The following ZCCHC17 variants were observed in gnomAD, a reference collection of about 807,000 sequenced individuals.
ZCCHC17 encodes the protein zinc finger CCHC-type containing 17, also known as zinc finger CCHC domain-containing protein 17.
In ZCCHC17, 18 loss-of-function variants were observed where a neutral mutation model predicts 30.6. The ratio of observed to expected loss-of-function variants is 0.59; its 90% CI spans 0.41 to 0.87. ZCCHC17 has a LOEUF of 0.87. Ranked by LOEUF, ZCCHC17 falls within the 40% of genes least tolerant of loss-of-function variation. ZCCHC17 has a pLI of 0.00. For synonymous variants in ZCCHC17, 88 were observed against 92.4 expected, an observed-to-expected ratio of 0.95 and a Z score of 0.27; for missense variants, 263 against 284.2, an observed-to-expected ratio of 0.93 and a Z score of 0.54.
At chr1:31,309,004 T>A (rs1182147453) in intron 1 of ZCCHC17, among the ~76,000 whole-genome samples, 1 of 152,218 alleles carries the variant, frequency 6.6e-6, no homozygotes, top group Non-Finnish European at 1.5e-5. Context: ...AGAATATAGA[T>A]CAAATTGAAT....
At chr1:31,363,811 A>G (rs1296613798) in intron 7 of ZCCHC17, among the ~76,000 whole-genome samples, 2 of 152,088 alleles carry the variant, frequency 1.3e-5, no homozygotes, top group African/African-American at 4.8e-5. Flanking sequence ...TCCCCTATTG[A>G]TTGTGTGCTA....
chr1:31,344,034 TA>T (rs1356936999), intron 5 of ZCCHC17, among the ~76,000 whole-genome samples: 32 of 151,976 alleles, frequency 2.1e-4, no homozygotes, highest in Non-Finnish European at 4.3e-4. Flanking sequence ...TTTGTTTTTT[TA>T]GTAGAGACGG....
In ZCCHC17 at chr1:31,344,474, G is replaced by A. The variant is rs1639167127; in HGVS notation, c.318-2166G>A. Among the ~76,000 whole-genome samples the A allele has an allele frequency of 1.3e-5, 2 of 152,124 alleles. 1 individual carries two copies. Among genetic ancestry groups the A allele is most frequent in the South Asian group, 4.1e-4 (2 of 4,832 alleles). ...CACTGGCGTTATCCACTTACTAGCT[G>A]TACTGAAAAAATGAGATTAATCTCA... On this transcript the variant is annotated intron_variant, in intron 5 of 7. Coordinates refer to ENST00000344147, the MANE Select transcript of ZCCHC17 (RefSeq NM_016505.4).
intron 1 of ZCCHC17, among the ~76,000 whole-genome samples, chr1:31,307,892 G>A (rs1646505683): frequency 6.6e-6 from 1 of 152,200 alleles, no homozygotes; most frequent in Non-Finnish European, 1.5e-5. Flanking sequence ...TTTGTGTGTA[G>A]AGTAACAGAT....
chr1:31,302,889 CAT>C (rs1646353350), intron 1 of ZCCHC17, among the ~76,000 whole-genome samples: 2 of 152,208 alleles, frequency 1.3e-5, no homozygotes, highest in Admixed American at 1.3e-4. Context: ...CCTCCCCCAA[CAT>C]GTGGGGATTA....
chr1:31,306,243 T>G (rs1188423720), intron 1 of ZCCHC17, among the ~76,000 whole-genome samples: 1 of 152,214 alleles, frequency 6.6e-6, no homozygotes, highest in African/African-American at 2.4e-5. Flanking sequence ...GGAAGCAGTT[T>G]ACAGCTTCTC....
At chr1:31,358,602 TAAGAG>T (rs1283442292) in intron 7 of ZCCHC17, among the ~76,000 whole-genome samples, 5 of 151,584 alleles carry the variant, frequency 3.3e-5, no homozygotes, top group African/African-American at 4.9e-5. Flanking sequence ...AGATTTGAGT[TAAGAG>T]AAGGAATGCA....
rs113161443 is a variant in ZCCHC17 at position 31,317,684 on chromosome 1, G to T, written c.67-1425G>T. ...GGGTCTTGCTATGTTATCCAGGCTG[G>T]ATTCAACTCCTGGCCTCAGGCCACG... On this transcript the variant is annotated intron_variant, in intron 2 of 7. Transcript: ENST00000344147. Among the ~76,000 whole-genome samples, 857 of 152,064 alleles carry T rather than the reference G, an allele frequency of 5.6e-3. 8 individuals are homozygous for T. The highest frequency in any genetic ancestry group is 0.02 in the African/African-American group (816 of 41,460).
chr1:31,364,393 C>CT lies in ZCCHC17; in HGVS notation c.*202dup, dbSNP rs773578943. 2.2e-5 allele frequency: 20 copies of CT among 893,038 alleles called. No homozygotes were observed. In the South Asian group the frequency reaches 2.7e-4, roughly 12 times the overall value. 55.3% of individuals were successfully genotyped at this position (893,038 alleles called of 1,614,324 possible). On this transcript the variant is annotated 3_prime_UTR_variant, in exon 8 of 8. Transcript: ENST00000344147. ...AGCTGCCTGAATGAGTTGTTGTTTC[C>CT]TTATCACTCCTGGTCCCTTTGCAAG...
intron 5 of ZCCHC17, among the ~76,000 whole-genome samples, chr1:31,341,957 C>T (rs1425120433): frequency 2.0e-5 from 3 of 152,080 alleles, no homozygotes; most frequent in African/African-American, 7.2e-5. Context: ...GGAACCACAC[C>T]TTTGCTTTTG....
intron 1 of ZCCHC17, among the ~76,000 whole-genome samples, chr1:31,303,713 T>G (rs998623048): frequency 6.6e-5 from 10 of 152,222 alleles, no homozygotes; most frequent in African/African-American, 2.4e-4. Context: ...TTTTTCTGAA[T>G]TATTTGAGTT....
At chr1:31,313,956 CG>C (rs1646667751) in intron 2 of ZCCHC17, among the ~76,000 whole-genome samples, 1 of 152,002 alleles carries the variant, frequency 6.6e-6, no homozygotes, top group South Asian at 2.1e-4. Context: ...CCTCCACCTC[CG>C]GGTTCAAGTG....
chr1:31,354,595 T>TA (rs1414900125), intron 7 of ZCCHC17, among the ~76,000 whole-genome samples: 4 of 152,228 alleles, frequency 2.6e-5, no homozygotes, highest in Non-Finnish European at 5.9e-5. Context: ...TGGTACTTGT[T>TA]ACATTCCTAA....
In ZCCHC17 at chr1:31,364,408, C is replaced by CCCTTTGCAA. The variant is rs1640054614; in HGVS notation, c.*216_*224dup. 1 of 787,040 alleles carries CCCTTTGCAA rather than the reference C, an allele frequency of 1.3e-6. No individual in the cohort carries two copies. The highest frequency in any genetic ancestry group is 2.8e-5 in the East Asian group (1 of 36,026). The allele number at this position is 787,040 out of a possible 1,614,324, so 48.8% of individuals were successfully genotyped here. On this transcript the variant is annotated 3_prime_UTR_variant, in exon 8 of 8. Transcript: ENST00000344147. ...TTGTTGTTTCCTTATCACTCCTGGT[C>CCCTTTGCAA]CCTTTGCAAGTGAACCCTGCAGCTC...
intron 2 of ZCCHC17, chr1:31,318,218 T>G: frequency 1.3e-6 from 2 of 1,535,014 alleles, no homozygotes; most frequent in Non-Finnish European, 1.7e-6. Flanking sequence ...TTGAAGACAC[T>G]GAAAAGAATA....
intron 1 of ZCCHC17, among the ~76,000 whole-genome samples, chr1:31,307,058 G>T (rs185737540): frequency 6.6e-6 from 1 of 151,762 alleles, no homozygotes; most frequent in Admixed American, 6.6e-5. Flanking sequence ...GGATGGTCTC[G>T]AACTCTTGAC....
chr1:31,306,777 C>G (rs779666322), intron 1 of ZCCHC17, among the ~76,000 whole-genome samples: 2 of 152,158 alleles, frequency 1.3e-5, no homozygotes, highest in Non-Finnish European at 2.9e-5. Context: ...AAGCGATCCT[C>G]TTGCTTCAGC....
chr1:31,341,460 A>G (rs1639045456), intron 5 of ZCCHC17, among the ~76,000 whole-genome samples: 1 of 152,234 alleles, frequency 6.6e-6, no homozygotes, highest in Non-Finnish European at 1.5e-5. Context: ...ATGTAAGATA[A>G]AAGAGCTAAC....
At chr1:31,363,794 T>C (rs1640022123) in intron 7 of ZCCHC17, among the ~76,000 whole-genome samples, 1 of 152,028 alleles carries the variant, frequency 6.6e-6, no homozygotes. Context: ...AAAAGAAAAT[T>C]AAGTGGTCCC....
Sources: gnomAD v4.1 joint callset for allele counts (sites outside exome capture counted in the v4.1 genomes callset) on GRCh38, gnomAD v4.1.1 for gene constraint, MANE v1.5 for transcripts, NCBI Gene and HGNC (gene_info 2026-07-23, HGNC 2026-07-21) for gene names.